NKAIN3: variants seen among roughly 807,000 people sequenced by gnomAD.
NKAIN3 encodes sodium/potassium-transporting ATPase subunit beta-1-interacting protein 3.
Under a neutral mutation model 30.2 loss-of-function variants are expected in NKAIN3, and 25 were observed. The ratio of observed to expected loss-of-function variants is 0.83; its 90% CI spans 0.60 to 1.16. NKAIN3 has a LOEUF of 1.16. Ranked by LOEUF, NKAIN3 falls within the 50% of genes most tolerant of loss-of-function variation. The pLI is 0.00. For missense variants in NKAIN3, 225 were observed against 254.1 expected, an observed-to-expected ratio of 0.89 and a Z score of 0.78; for synonymous variants, 91 against 89.6, an observed-to-expected ratio of 1.02 and a Z score of -0.09.
At chr8:62,249,864 G>T (rs1241603247) in intron 1 of NKAIN3, among the ~76,000 whole-genome samples, 2 of 152,126 alleles carry the variant, frequency 1.3e-5, no homozygotes, top group Non-Finnish European at 2.9e-5. Flanking sequence ...CTAGAGTGGG[G>T]AAAAAAGGCC....
chr8:62,384,670 G>A (rs915044519), intron 1 of NKAIN3, among the ~76,000 whole-genome samples: 3 of 152,124 alleles, frequency 2.0e-5, no homozygotes, highest in Non-Finnish European at 4.4e-5. Flanking sequence ...ATGATCCAAA[G>A]ATTGTCTTCA....
chr8:62,716,297 T>A (rs1406395016), intron 3 of NKAIN3, among the ~76,000 whole-genome samples: 1 of 152,062 alleles, frequency 6.6e-6, no homozygotes, highest in Non-Finnish European at 1.5e-5. Context: ...TAGAGAATGG[T>A]TTTAAGAATC....
At chr8:62,470,372 C>T (rs943872254) in intron 1 of NKAIN3, among the ~76,000 whole-genome samples, 2 of 152,082 alleles carry the variant, frequency 1.3e-5, no homozygotes, top group African/African-American at 4.8e-5. Flanking sequence ...TGATAGCCAT[C>T]CACAAATATA....
At chr8:62,249,221 G>A in intron 1 of NKAIN3, 94 bp downstream of exon 1, 3 of 1,104,466 alleles carry the variant, frequency 2.7e-6, no homozygotes, top group South Asian at 3.1e-5. Context: ...CCCGGCAAGG[G>A]GCGAACGGGT....
intron 1 of NKAIN3, among the ~76,000 whole-genome samples, chr8:62,516,560 T>A (rs1298183668): frequency 6.6e-6 from 1 of 152,156 alleles, no homozygotes; most frequent in Admixed American, 6.6e-5. Context: ...TTTGGTATTG[T>A]ATCAAATTTA....
intron 4 of NKAIN3, among the ~76,000 whole-genome samples, chr8:62,813,703 C>T (rs1025007775): frequency 1.3e-5 from 2 of 151,826 alleles, no homozygotes; most frequent in African/African-American, 4.8e-5. Context: ...ATAGTGATAA[C>T]ATTTTATTCC....
chr8:62,327,973 T>C (rs1299046647), intron 1 of NKAIN3, among the ~76,000 whole-genome samples: 3 of 152,110 alleles, frequency 2.0e-5, no homozygotes, highest in African/African-American at 7.2e-5. Context: ...TTTAGAGTTT[T>C]CATTGCAGAG....
At chr8:62,863,323 A>G (rs1241453500) in intron 4 of NKAIN3, 1 of 1,549,458 alleles carries the variant, frequency 6.5e-7, no homozygotes, top group Non-Finnish European at 8.8e-7. Context: ...AGGAGGAGGA[A>G]TACCTGCTTT....
At chr8:62,950,416 C>T (rs887316443) in intron 5 of NKAIN3, among the ~76,000 whole-genome samples, 1 of 152,176 alleles carries the variant, frequency 6.6e-6, no homozygotes, top group Non-Finnish European at 1.5e-5. Context: ...CTATCCCATC[C>T]ATGAAGAATT....
intron 4 of NKAIN3, among the ~76,000 whole-genome samples, chr8:62,908,322 C>A (rs1007651126): frequency 1.3e-5 from 2 of 151,974 alleles, no homozygotes; most frequent in African/African-American, 4.8e-5. Flanking sequence ...AAGGGACTTG[C>A]TTTATCTCAG....
intron 1 of NKAIN3, among the ~76,000 whole-genome samples, chr8:62,537,042 C>T (rs1264172516): frequency 6.6e-6 from 1 of 152,028 alleles, no homozygotes; most frequent in Non-Finnish European, 1.5e-5. Flanking sequence ...TGCATCAAGC[C>T]CTATAGCACT....
intron 4 of NKAIN3, among the ~76,000 whole-genome samples, chr8:62,888,311 C>T (rs1375647566): frequency 6.6e-6 from 1 of 152,166 alleles, no homozygotes; most frequent in African/African-American, 2.4e-5. Flanking sequence ...TTCCCCTAGC[C>T]CTGCTGAGGG....
At chr8:62,332,484 T>G (rs1243872407) in intron 1 of NKAIN3, among the ~76,000 whole-genome samples, 1 of 152,166 alleles carries the variant, frequency 6.6e-6, no homozygotes, top group Non-Finnish European at 1.5e-5. Flanking sequence ...ATCTTTATAA[T>G]GCATTACAGT....
At chr8:62,464,952 G>GTACTGAGCTTAGCA (rs1806113585) in intron 1 of NKAIN3, among the ~76,000 whole-genome samples, 1 of 152,162 alleles carries the variant, frequency 6.6e-6, no homozygotes, top group Non-Finnish European at 1.5e-5. Context: ...GCATTTCAAT[G>GTACTGAGCTTAGCA]TACTGAGCTT....
intron 4 of NKAIN3, among the ~76,000 whole-genome samples, chr8:62,802,876 C>G (rs962245678): frequency 6.6e-5 from 10 of 152,128 alleles, no homozygotes; most frequent in Admixed American, 2.0e-4. Flanking sequence ...ACCCATCTCA[C>G]GTGCAGAGAC....
intron 1 of NKAIN3, among the ~76,000 whole-genome samples, chr8:62,428,593 T>C (rs1804891613): frequency 1.3e-5 from 2 of 152,012 alleles, no homozygotes; most frequent in Admixed American, 1.3e-4. Context: ...AGTCCCCTGG[T>C]GACTAGTGAT....
intron 3 of NKAIN3, among the ~76,000 whole-genome samples, chr8:62,703,296 G>A (rs927312028): frequency 1.3e-5 from 2 of 152,034 alleles, no homozygotes; most frequent in Non-Finnish European, 2.9e-5. Context: ...ATTCTCTGAA[G>A]CAAATTCTCA....
chr8:62,407,532 G>A (rs1804112984), intron 1 of NKAIN3, among the ~76,000 whole-genome samples: 1 of 151,492 alleles, frequency 6.6e-6, no homozygotes, highest in African/African-American at 2.4e-5. Flanking sequence ...GGAGTAGCTG[G>A]GACTACAAGG....
At chr8:62,635,836 C>T (rs769308997) in intron 3 of NKAIN3, among the ~76,000 whole-genome samples, 8 of 152,130 alleles carry the variant, frequency 5.3e-5, no homozygotes, top group Non-Finnish European at 1.0e-4. Context: ...AAATGGACTA[C>T]GACAGAAAGT....
Sources: gnomAD v4.1 joint callset for allele counts (sites outside exome capture counted in the v4.1 genomes callset) on GRCh38, gnomAD v4.1.1 for gene constraint, MANE v1.5 for transcripts, NCBI Gene and HGNC (gene_info 2026-07-23, HGNC 2026-07-21) for gene names.